PPP1R21: variants seen among roughly 807,000 people sequenced by gnomAD.
PPP1R21 encodes the protein protein phosphatase 1 regulatory subunit 21.
In PPP1R21, 85 loss-of-function variants were observed where a neutral mutation model predicts 112.8. That is an observed-to-expected ratio of 0.75 (90% confidence interval 0.63 to 0.90). PPP1R21 has a LOEUF of 0.90. Among genes scored for constraint, PPP1R21 ranks in the 40% least tolerant of loss-of-function variants. The pLI, the probability that PPP1R21 is intolerant of heterozygous loss-of-function variation, is 0.00. For missense variants in PPP1R21, 1,199 were observed against 901.5 expected (o/e 1.33, Z -4.23); for synonymous variants, 381 against 322.3 (o/e 1.18, Z -1.95).
rs959511630 is a variant in PPP1R21 at position 48,489,367 on chromosome 2, G to A, written c.1447-1651G>A. On this transcript the variant is annotated intron_variant, in intron 14 of 21. Coordinates refer to ENST00000294952, the MANE Select transcript of PPP1R21 (RefSeq NM_001135629.3). ...AATTAAAAAATCAGCCACACATGATGGTGTGCGTCTGTGGTCTCAACTACT... is the reference window on the plus strand; with the variant it reads ...AATTAAAAAATCAGCCACACATGATAGTGTGCGTCTGTGGTCTCAACTACT... Among the ~76,000 whole-genome samples the A allele has an allele frequency of 4.6e-5, 7 of 151,252 alleles. No homozygotes were observed. The East Asian group carries it at 1.4e-3, about 30-fold the overall frequency.
At chr2:48,513,656 A>G (rs1297756224) in intron 21 of PPP1R21, among the ~76,000 whole-genome samples, 2 of 152,172 alleles carry the variant, frequency 1.3e-5, no homozygotes, top group African/African-American at 4.8e-5. Context: ...AGTAATTTAC[A>G]TTGCTATAGC....
intron 17 of PPP1R21, among the ~76,000 whole-genome samples, chr2:48,503,678 T>C (rs1572895288): frequency 4.6e-5 from 7 of 152,096 alleles, no homozygotes; most frequent in Admixed American, 4.6e-4. Flanking sequence ...TCGGGCGCGG[T>C]GGCTCACGCC....
chr2:48,451,359 G>A (rs1028046732), intron 2 of PPP1R21, among the ~76,000 whole-genome samples: 8 of 152,148 alleles, frequency 5.3e-5, no homozygotes, highest in African/African-American at 9.7e-5. Context: ...GGTTTATCTG[G>A]ATTATTAAGG....
chr2:48,474,803 T>C lies in PPP1R21; in HGVS notation c.1209T>C (p.Ala403=), dbSNP rs1186695675. Reference sequence around the variant, plus strand: ...TTGAGAAGCTGCAGACTTACATAGCTCTTCTTGCCTTGCCAAGTAAGTATG... The same window carrying C: ...TTGAGAAGCTGCAGACTTACATAGCCCTTCTTGCCTTGCCAAGTAAGTATG... ...AVFEKLQTYI[A]LLALPSTEPD... The change falls in exon 12 of 22, where the codon GCT becomes GCC. Residue 403 remains alanine (A), a synonymous_variant. Transcript: ENST00000294952. 1.2e-6 allele frequency: 2 copies of C among 1,612,614 alleles called. No individual in the cohort carries two copies. The highest frequency in any genetic ancestry group is 1.7e-6 in the Non-Finnish European group (2 of 1,179,518).
chr2:48,448,875 G>A (rs1034284309), intron 1 of PPP1R21, among the ~76,000 whole-genome samples: 2 of 152,120 alleles, frequency 1.3e-5, no homozygotes, highest in Admixed American at 6.5e-5. Context: ...GCAACTGCTC[G>A]TCTCTTCCAT....
In PPP1R21 at chr2:48,464,928, CTTCTGTAGA is replaced by C. The variant is rs1668132665; in HGVS notation, c.695-8_695del. ...GAGAGACTTAATGTACATTATTTTT[CTTCTGTAGA>C]ATATAGTCAGTACAACGCTCTGAAC... On this transcript the variant is annotated splice_acceptor_variant and splice_polypyrimidine_tract_variant and coding_sequence_variant and intron_variant, in exon 8 of 22. Coordinates refer to ENST00000294952, the MANE Select transcript of PPP1R21 (RefSeq NM_001135629.3). LOFTEE classifies it high-confidence loss of function. The C allele has an allele frequency of 6.4e-7, 1 of 1,557,036 alleles. No homozygotes were observed. The highest frequency in any genetic ancestry group is 8.6e-7 in the Non-Finnish European group (1 of 1,158,672).
intron 21 of PPP1R21, among the ~76,000 whole-genome samples, chr2:48,513,341 A>T (rs1338817845): frequency 6.6e-6 from 1 of 151,542 alleles, no homozygotes; most frequent in Non-Finnish European, 1.5e-5. Context: ...AGTAACTGGG[A>T]CTACAGGCAT....
At chr2:48,468,829 A>ATGTATGTGTG (rs1553339042) in intron 9 of PPP1R21, among the ~76,000 whole-genome samples, 3 of 146,428 alleles carry the variant, frequency 2.0e-5, no homozygotes, top group Non-Finnish European at 3.0e-5. Flanking sequence ...AAAAAAATGT[A>ATGTATGTGTG]TGTGTGTGTG....
At chr2:48,496,470 G>GTT (rs11305363) in intron 16 of PPP1R21, among the ~76,000 whole-genome samples, 30 of 136,266 alleles carry the variant, frequency 2.2e-4, no homozygotes, top group Non-Finnish European at 3.0e-4. Flanking sequence ...TGGGTTTTGG[G>GTT]TTTTTTTTTT....
At chr2:48,452,825 C>T (rs191905289) in intron 2 of PPP1R21, among the ~76,000 whole-genome samples, 1 of 152,002 alleles carries the variant, frequency 6.6e-6, no homozygotes, top group Non-Finnish European at 1.5e-5. Context: ...TTTTACTAAA[C>T]AAATGTAGGA....
intron 11 of PPP1R21, among the ~76,000 whole-genome samples, chr2:48,473,732 C>T (rs1177285267): frequency 6.6e-6 from 1 of 151,998 alleles, no homozygotes; most frequent in South Asian, 2.1e-4. Context: ...GCTACCTTTT[C>T]TGGCTTTGTC....
At chr2:48,442,452 C>G (rs977765346) in intron 1 of PPP1R21, among the ~76,000 whole-genome samples, 1 of 152,256 alleles carries the variant, frequency 6.6e-6, no homozygotes, top group African/African-American at 2.4e-5. Context: ...ACTGTATAGC[C>G]TCCCAAAGTA....
rs764880369 is a variant in PPP1R21 at position 48,458,240 on chromosome 2, G to A, written c.375+13G>A. 6.4e-7 allele frequency: 1 copy of A among 1,560,000 alleles called. No homozygotes were observed. Among genetic ancestry groups the A allele is most frequent in the Non-Finnish European group, 8.8e-7 (1 of 1,133,116 alleles). ...GTTGCATATACAAGTGAGAAAATCT[G>A]TTTTTCTATGTGAATTAAAAAATGG... On this transcript the variant is annotated intron_variant, in intron 4 of 21. Transcript: ENST00000294952.
At chr2:48,478,578 G>A (rs1308060375) in intron 12 of PPP1R21, among the ~76,000 whole-genome samples, 2 of 152,120 alleles carry the variant, frequency 1.3e-5, no homozygotes, top group African/African-American at 4.8e-5. Context: ...GGCATCAATT[G>A]TCTATTCAGA....
intron 9 of PPP1R21, 61 bp downstream of exon 9, chr2:48,465,703 T>C: frequency 6.7e-7 from 1 of 1,493,810 alleles, no homozygotes; most frequent in Non-Finnish European, 9.2e-7. Context: ...TATTGTTTGT[T>C]TTTAGACCTC....
intron 7 of PPP1R21, among the ~76,000 whole-genome samples, chr2:48,461,942 A>AG (rs773852878): frequency 3.3e-5 from 5 of 152,216 alleles, no homozygotes; most frequent in Non-Finnish European, 5.9e-5. Flanking sequence ...AGAAAAAAAA[A>AG]GAAAAATAGC....
At chr2:48,475,569 C>T (rs574150011) in intron 12 of PPP1R21, among the ~76,000 whole-genome samples, 11 of 152,094 alleles carry the variant, frequency 7.2e-5, no homozygotes, top group South Asian at 2.1e-4. Context: ...TTTTCAGGGC[C>T]GGGCGCGGTG....
intron 12 of PPP1R21, among the ~76,000 whole-genome samples, chr2:48,477,116 ATTTTTTTTTTT>A (rs779139882): frequency 4.4e-5 from 5 of 114,770 alleles, no homozygotes; most frequent in East Asian, 5.8e-4. Context: ...TTTTGAATTA[ATTTTTTTTTTT>A]TTTTTTTTTT....
intron 13 of PPP1R21, among the ~76,000 whole-genome samples, chr2:48,485,916 A>AACTAATATATACAATTGTATAT (rs1317505255): frequency 1.4e-5 from 2 of 145,532 alleles, no homozygotes; most frequent in East Asian, 3.9e-4. Flanking sequence ...TGTATATACT[A>AACTAATATATACAATTGTATAT]ACTAATATAT....
Sources: gnomAD v4.1 joint callset for allele counts (sites outside exome capture counted in the v4.1 genomes callset) on GRCh38, gnomAD v4.1.1 for gene constraint, MANE v1.5 for transcripts, NCBI Gene and HGNC (gene_info 2026-07-23, HGNC 2026-07-21) for gene names.